NIPBL: variants seen among roughly 807,000 people sequenced by gnomAD.
The protein encoded by NIPBL is nipped-B-like protein.
In NIPBL, 19 loss-of-function variants were observed where a neutral mutation model predicts 321.8. That is an observed-to-expected ratio of 0.06 (90% CI 0.04 to 0.09). The LOEUF (loss-of-function observed/expected upper bound fraction) is 0.09, where lower values mean the gene tolerates loss of function less well. Ranked by LOEUF, NIPBL falls within the 10% of genes least tolerant of loss-of-function variation. The pLI, the probability that NIPBL is intolerant of heterozygous loss-of-function variation, is 1.00. For synonymous variants in NIPBL, 1,106 were observed against 1,114.1 expected (o/e 0.99, Z 0.14); for missense variants, 2,210 against 3,327.0 (o/e 0.66, Z 8.26).
chr5:36,893,860 A>G (rs761450645), intron 1 of NIPBL, among the ~76,000 whole-genome samples: 1 of 152,176 alleles, frequency 6.6e-6, no homozygotes, highest in Non-Finnish European at 1.5e-5. Context: ...AGAATTGAGG[A>G]AAGAAGTTAG....
rs558667113 is a variant in NIPBL at position 37,026,131 on chromosome 5, G to A, written c.5710-98G>A. The A allele has an allele frequency of 1.8e-4, 126 of 710,256 alleles. 1 individual carries two copies. The South Asian group carries it at 2.0e-3, about 11-fold the overall frequency. 44.0% of individuals were successfully genotyped at this position (710,256 alleles called of 1,614,324 possible). ...TTCCTGGCAGTTTGTGTTTTGATTAGTTATTTATAGCTTTGTGTTGGGCCT... is the reference window on the plus strand; with the variant it reads ...TTCCTGGCAGTTTGTGTTTTGATTAATTATTTATAGCTTTGTGTTGGGCCT... On this transcript the variant is annotated intron_variant, in intron 30 of 46. Coordinates refer to ENST00000282516, the MANE Select transcript of NIPBL (RefSeq NM_133433.4).
intron 9 of NIPBL, chr5:36,982,160 T>C (rs994861560): frequency 6.6e-6 from 6 of 902,722 alleles, no homozygotes; most frequent in African/African-American, 3.6e-5. Context: ...ATGCATTTTC[T>C]TTAGGAATAT....
At position 37,063,710 on chromosome 5, in the gene NIPBL, C is replaced by T. The variant is rs535184189; in HGVS notation, c.7861-80C>T. 8.9e-5 allele frequency: 125 copies of T among 1,400,346 alleles called. 1 individual carries two copies. The South Asian group carries it at 1.4e-3, about 16-fold the overall frequency. 86.7% of individuals were successfully genotyped at this position (1,400,346 alleles called of 1,614,324 possible). On this transcript the variant is annotated intron_variant, in intron 45 of 46. Coordinates refer to ENST00000282516, the MANE Select transcript of NIPBL (RefSeq NM_133433.4). ...CTGTTTCACCCACACCAAACTACTG[C>T]CATAGAAAACATTTAGGAATTTGAC...
chr5:37,055,356 T>TAAAAAAAA (rs57488198), intron 42 of NIPBL, among the ~76,000 whole-genome samples: 1 of 84,674 alleles, frequency 1.2e-5, no homozygotes, highest in African/African-American at 3.6e-5. Context: ...ATCTCAACAG[T>TAAAAAAAA]AAAAAAAAAA....
In NIPBL at chr5:37,052,573, A is replaced by C; in HGVS notation, c.7263+7A>C. 6.2e-7 allele frequency: 1 copy of C among 1,610,534 alleles called. No individual in the cohort carries two copies. The highest frequency in any genetic ancestry group is 1.3e-5 in the African/African-American group (1 of 74,988). ...CCTCTTTGATGACACAGCAGTAAGC[A>C]CAAAAACTTATTATTTTAAGAAAAT... On this transcript the variant is annotated splice_region_variant and intron_variant, in intron 42 of 46. Coordinates refer to ENST00000282516, the MANE Select transcript of NIPBL (RefSeq NM_133433.4).
At chr5:37,012,351 TTTTA>T (rs1748239952) in intron 21 of NIPBL, among the ~76,000 whole-genome samples, 4 of 151,422 alleles carry the variant, frequency 2.6e-5, no homozygotes, top group Non-Finnish European at 4.4e-5. Flanking sequence ...GATATTCTCT[TTTTA>T]TTTATTTTGT....
At chr5:37,058,836 A>G (rs1754367768) in intron 43 of NIPBL, 55 bp from the exon 44 acceptor site, 4 of 1,533,134 alleles carry the variant, frequency 2.6e-6, no homozygotes, top group Non-Finnish European at 3.6e-6. Context: ...GAGCATACTT[A>G]TATTTACTAG....
chr5:36,988,886 T>C (rs959102850), intron 10 of NIPBL, among the ~76,000 whole-genome samples: 2 of 152,186 alleles, frequency 1.3e-5, no homozygotes, highest in Admixed American at 1.3e-4. Flanking sequence ...AGGTATAGAT[T>C]TATTACTCCT....
chr5:37,005,125 A>T (rs1294074510), intron 16 of NIPBL, among the ~76,000 whole-genome samples: 1 of 152,212 alleles, frequency 6.6e-6, no homozygotes, highest in African/African-American at 2.4e-5. Context: ...TGTATTTTAT[A>T]TGTAGTCCAA....
At chr5:36,941,405 T>C (rs1739043529) in intron 1 of NIPBL, among the ~76,000 whole-genome samples, 1 of 151,886 alleles carries the variant, frequency 6.6e-6, no homozygotes, top group Non-Finnish European at 1.5e-5. Context: ...CTTTTCTTCC[T>C]AATTATCTTC....
intron 3 of NIPBL, 103 bp from the exon 4 acceptor site, chr5:36,958,001 A>C: frequency 1.4e-5 from 14 of 984,688 alleles, no homozygotes; most frequent in African/African-American, 1.9e-5. Context: ...AAAAAAAAAA[A>C]TTCATATTGT....
rs1001963479 is a variant in NIPBL, at chr5:37,045,685, G to A, written c.6498+88G>A. 9.6e-6 allele frequency: 13 copies of A among 1,357,526 alleles called. No individual in the cohort carries two copies. In the African/African-American group the frequency reaches 1.6e-4, roughly 16 times the overall value. 84.1% of individuals were successfully genotyped at this position (1,357,526 alleles called of 1,614,324 possible). ...ATGACAGTAGTGACCCAGGATGAAG[G>A]CAACATTAGAGTAGTCTGGTTTAAT... On this transcript the variant is annotated intron_variant, in intron 37 of 46. Transcript: ENST00000282516.
At chr5:37,059,203 C>G (rs985881443) in intron 44 of NIPBL, 38 bp downstream of exon 44, 3 of 1,605,772 alleles carry the variant, frequency 1.9e-6, no homozygotes, top group East Asian at 2.2e-5. Context: ...AAACTTCACT[C>G]TGTTCAAATA....
chr5:36,942,432 TAAAAAAAAAA>T (rs33935189), intron 1 of NIPBL, among the ~76,000 whole-genome samples: 2 of 59,780 alleles, frequency 3.3e-5, no homozygotes, highest in South Asian at 7.9e-4. Context: ...ACTCTGTCTT[TAAAAAAAAAA>T]AAAAAAAAAA....
At chr5:36,925,847 A>T (rs770504574) in intron 1 of NIPBL, among the ~76,000 whole-genome samples, 3 of 152,008 alleles carry the variant, frequency 2.0e-5, no homozygotes, top group Non-Finnish European at 2.9e-5. Flanking sequence ...TTCCATTCTT[A>T]CTTATTTCTG....
intron 40 of NIPBL, among the ~76,000 whole-genome samples, chr5:37,049,620 G>A (rs148766166): frequency 2.5e-4 from 38 of 152,246 alleles, no homozygotes; most frequent in African/African-American, 8.7e-4. Context: ...AATCTATAAT[G>A]TGAAGAGAGT....
At chr5:37,028,719 T>C (rs1422094685) in intron 32 of NIPBL, among the ~76,000 whole-genome samples, 1 of 152,232 alleles carries the variant, frequency 6.6e-6, no homozygotes. Context: ...CTGTAGCAGA[T>C]GACTTTTTTA....
intron 3 of NIPBL, among the ~76,000 whole-genome samples, 176 bp downstream of exon 3, chr5:36,955,813 A>G (rs928303755): frequency 2.0e-5 from 3 of 152,182 alleles, no homozygotes; most frequent in Non-Finnish European, 4.4e-5. Flanking sequence ...AGATTTAAGT[A>G]GGCAATATTT....
In NIPBL at chr5:36,877,047, C is replaced by A. The variant is rs1745113391; in HGVS notation, c.-211C>A. Reference sequence around the variant, plus strand: ...GATTTGTCTTCTCGGCTGGTCTCCCCCCGGCTCTACATGTTCCCCGCACTG... The same window carrying A: ...GATTTGTCTTCTCGGCTGGTCTCCCACCGGCTCTACATGTTCCCCGCACTG... On this transcript the variant is annotated 5_prime_UTR_variant, in exon 1 of 47. Coordinates refer to ENST00000282516, the MANE Select transcript of NIPBL (RefSeq NM_133433.4). 2.8e-6 allele frequency: 1 copy of A among 361,582 alleles called. No individual in the cohort carries two copies. Among genetic ancestry groups the A allele is most frequent in the Non-Finnish European group, 4.9e-6 (1 of 202,988 alleles). 22.4% of individuals were successfully genotyped at this position (361,582 alleles called of 1,614,324 possible).
Sources: gnomAD v4.1 joint callset for allele counts (sites outside exome capture counted in the v4.1 genomes callset) on GRCh38, gnomAD v4.1.1 for gene constraint, MANE v1.5 for transcripts, NCBI Gene and HGNC (gene_info 2026-07-23, HGNC 2026-07-21) for gene names.